Variants in DIP2C observed in about 807,000 individuals in gnomAD.
The protein encoded by DIP2C is DIP2 acetate--CoA ligase C (putative).
In DIP2C, 33 loss-of-function variants were observed where a neutral mutation model predicts 192.4. The ratio of observed to expected loss-of-function variants is 0.17; its 90% CI spans 0.13 to 0.23. The LOEUF is 0.23. DIP2C is among the 10% of genes least tolerant of loss of function. The pLI, the probability that DIP2C is intolerant of heterozygous loss-of-function variation, is 1.00. For synonymous variants in DIP2C, 979 were observed against 864.1 expected (o/e 1.13, Z -2.33); for missense variants, 1,537 against 2,110.1 (o/e 0.73, Z 5.32).
chr10:472,373 G>A (rs895206928), intron 3 of DIP2C, 66 bp downstream of exon 3: 26 of 1,468,462 alleles, frequency 1.8e-5, no homozygotes, highest in South Asian at 4.7e-5. Context: ...CCCAGTGGCT[G>A]GGCACAGGCA....
At chr10:352,059 T>C (rs1200531335) in intron 24 of DIP2C, among the ~76,000 whole-genome samples, 4 of 152,210 alleles carry the variant, frequency 2.6e-5, no homozygotes, top group Non-Finnish European at 2.9e-5. Context: ...CACAGTCCAT[T>C]CTCATGCCAG....
intron 4 of DIP2C, among the ~76,000 whole-genome samples, chr10:424,565 C>G (rs927438185): frequency 1.3e-5 from 2 of 151,996 alleles, no homozygotes; most frequent in African/African-American, 4.8e-5. Context: ...GGGGTTTCAC[C>G]ATGCTGGCCA....
intron 1 of DIP2C, among the ~76,000 whole-genome samples, chr10:582,569 C>T (rs538553533): frequency 3.0e-4 from 45 of 152,270 alleles, no homozygotes; most frequent in African/African-American, 1.0e-3. Flanking sequence ...GGTGACAGAG[C>T]AAGACCCTGT....
At chr10:568,781 A>AAAAC (rs1849598542) in intron 1 of DIP2C, among the ~76,000 whole-genome samples, 1 of 146,302 alleles carries the variant, frequency 6.8e-6, no homozygotes, top group Non-Finnish European at 1.5e-5. Context: ...AAAAAAAAAA[A>AAAAC]AAAAAAAAAA....
chr10:683,282 G>A (rs1020369080), intron 1 of DIP2C, among the ~76,000 whole-genome samples: 2 of 152,318 alleles, frequency 1.3e-5, no homozygotes, highest in South Asian at 2.1e-4. Context: ...CGGAGCCCTC[G>A]TTCCGCAGCC....
chr10:548,772 A>G (rs1411977313), intron 1 of DIP2C, among the ~76,000 whole-genome samples: 2 of 151,988 alleles, frequency 1.3e-5, no homozygotes, highest in East Asian at 1.9e-4. Context: ...TTTATGGATG[A>G]CATTTTAATT....
At chr10:570,614 C>T (rs1487734802) in intron 1 of DIP2C, among the ~76,000 whole-genome samples, 1 of 152,218 alleles carries the variant, frequency 6.6e-6, no homozygotes, top group Non-Finnish European at 1.5e-5. Context: ...TCCCCTACCA[C>T]CCGACCTGCC....
intron 3 of DIP2C, among the ~76,000 whole-genome samples, chr10:444,689 A>C (rs1163342211): frequency 6.6e-6 from 1 of 152,226 alleles, no homozygotes; most frequent in African/African-American, 2.4e-5. Context: ...TGGACTCCAC[A>C]GCATGGTGTT....
intron 1 of DIP2C, among the ~76,000 whole-genome samples, chr10:591,434 G>A (rs1358628203): frequency 6.6e-6 from 1 of 152,074 alleles, no homozygotes; most frequent in African/African-American, 2.4e-5. Context: ...CATTACTGGT[G>A]TAATTTCTAA....
chr10:497,575 C>T (rs552851942), intron 1 of DIP2C, among the ~76,000 whole-genome samples: 1 of 152,196 alleles, frequency 6.6e-6, no homozygotes. Flanking sequence ...CTTCCAGACG[C>T]TCATACAAGG....
At chr10:374,376 T>C (rs1454625610) in intron 17 of DIP2C, among the ~76,000 whole-genome samples, 1 of 152,244 alleles carries the variant, frequency 6.6e-6, no homozygotes, top group African/African-American at 2.4e-5. Flanking sequence ...TCTCATCTAC[T>C]AGAAAAGCAC....
intron 10 of DIP2C, among the ~76,000 whole-genome samples, chr10:397,787 CA>C (rs1191713091): frequency 6.6e-6 from 1 of 152,206 alleles, no homozygotes; most frequent in Non-Finnish European, 1.5e-5. Context: ...GAGCGTAAGC[CA>C]AAAATAAAAT....
At chr10:591,054 T>C (rs1485410605) in intron 1 of DIP2C, among the ~76,000 whole-genome samples, 1 of 152,194 alleles carries the variant, frequency 6.6e-6, no homozygotes, top group Non-Finnish European at 1.5e-5. Flanking sequence ...CAATTCATCC[T>C]GTCACTAAAA....
At chr10:278,203 A>C (rs1264878675) in intron 36 of DIP2C, among the ~76,000 whole-genome samples, 1 of 101,984 alleles carries the variant, frequency 9.8e-6, no homozygotes, top group Non-Finnish European at 1.9e-5. Flanking sequence ...ATGGGTGCCT[A>C]CTCCTCTCTG....
At chr10:632,383 C>T (rs1300808758) in intron 1 of DIP2C, among the ~76,000 whole-genome samples, 2 of 151,044 alleles carry the variant, frequency 1.3e-5, no homozygotes, top group African/African-American at 4.9e-5. Flanking sequence ...ACCATGCGGG[C>T]ACCGGTGTGA....
At chr10:406,506 G>A (rs1382961741) in intron 9 of DIP2C, among the ~76,000 whole-genome samples, 1 of 152,206 alleles carries the variant, frequency 6.6e-6, no homozygotes, top group Non-Finnish European at 1.5e-5. Flanking sequence ...AGGAAATTAT[G>A]ACACTGAAAG....
intron 2 of DIP2C, among the ~76,000 whole-genome samples, chr10:476,700 C>G (rs1843059153): frequency 6.6e-6 from 1 of 152,206 alleles, no homozygotes; most frequent in Non-Finnish European, 1.5e-5. Flanking sequence ...TGTCATTCTC[C>G]TGGTACCTGC....
At chr10:671,629 G>C (rs1345625832) in intron 1 of DIP2C, among the ~76,000 whole-genome samples, 2 of 85,980 alleles carry the variant, frequency 2.3e-5, no homozygotes, top group Non-Finnish European at 4.3e-5. Flanking sequence ...ACAGACGCAC[G>C]GACGGAGGAA....
chr10:486,556 A>G, intron 1 of DIP2C, 26 bp from the exon 2 acceptor site: 2 of 1,592,452 alleles, frequency 1.3e-6, no homozygotes, highest in Non-Finnish European at 1.7e-6. Flanking sequence ...AATGAAGTTC[A>G]GTATGGTCTC....
Sources: allele counts gnomAD v4.1 joint callset (sites outside exome capture counted in the v4.1 genomes callset), GRCh38; gene constraint gnomAD v4.1.1; transcripts MANE v1.5; gene names NCBI Gene and HGNC (gene_info 2026-07-23, HGNC 2026-07-21).